DCUN1D4: variants seen among roughly 807,000 people sequenced by gnomAD.
DCUN1D4 encodes defective in cullin neddylation 1 domain containing 4.
DCUN1D4 carries 22 observed loss-of-function variants against 47.9 expected under a neutral mutation model. The observed-to-expected ratio is 0.46, with a 90% confidence interval of 0.33 to 0.66. The LOEUF (loss-of-function observed/expected upper bound fraction) is 0.66. Among genes scored for constraint, DCUN1D4 ranks in the 30% least tolerant of loss-of-function variants. The probability of loss-of-function intolerance (pLI) is 0.02; values close to 1 mark genes in which losing one functional copy is unlikely to be tolerated. For synonymous variants in DCUN1D4, 121 were observed against 112.2 expected, an observed-to-expected ratio of 1.08 and a Z score of -0.50; for missense variants, 301 against 340.8, an observed-to-expected ratio of 0.88 and a Z score of 0.92.
chr4:51,861,313 G>A (rs1255783062), intron 1 of DCUN1D4, among the ~76,000 whole-genome samples: 2 of 152,150 alleles, frequency 1.3e-5, no homozygotes, highest in Non-Finnish European at 2.9e-5. Flanking sequence ...AGGAAGGGCA[G>A]TGGGCAGAAT....
At chr4:51,854,712 C>T (rs994193165) in intron 1 of DCUN1D4, among the ~76,000 whole-genome samples, 1 of 152,202 alleles carries the variant, frequency 6.6e-6, no homozygotes, top group Admixed American at 6.5e-5. Context: ...ATGGAGTAAC[C>T]TCCATGTTGC....
chr4:51,908,083 C>T (rs1489499462), intron 8 of DCUN1D4, among the ~76,000 whole-genome samples: 1 of 152,108 alleles, frequency 6.6e-6, no homozygotes, highest in African/African-American at 2.4e-5. Context: ...TAAAATATAA[C>T]GTAGAATATT....
chr4:51,886,460 G>A (rs1452424086), intron 5 of DCUN1D4, 108 bp from the exon 6 acceptor site: 1 of 878,580 alleles, frequency 1.1e-6, no homozygotes, highest in African/African-American at 1.7e-5. Flanking sequence ...TTTTCCAAAA[G>A]GAGTTAATGG....
At chr4:51,876,544 A>G (rs1378973021) in intron 4 of DCUN1D4, among the ~76,000 whole-genome samples, 4 of 152,146 alleles carry the variant, frequency 2.6e-5, no homozygotes, top group African/African-American at 9.7e-5. Flanking sequence ...CGTTGTGCAC[A>G]TGTACCCTAA....
intron 1 of DCUN1D4, among the ~76,000 whole-genome samples, chr4:51,854,052 T>C (rs1723770088): frequency 6.6e-6 from 1 of 152,212 alleles, no homozygotes; most frequent in South Asian, 2.1e-4. Context: ...GGACATGTAG[T>C]ATGAAACTGA....
At chr4:51,897,240 A>T (rs1286046013) in intron 7 of DCUN1D4, among the ~76,000 whole-genome samples, 1 of 152,246 alleles carries the variant, frequency 6.6e-6, no homozygotes, top group African/African-American at 2.4e-5. Flanking sequence ...TCTGTTTCAT[A>T]GAAATTAAAC....
At chr4:51,869,123 CAAAAAA>C (rs531280197) in intron 3 of DCUN1D4, among the ~76,000 whole-genome samples, 1 of 38,588 alleles carries the variant, frequency 2.6e-5, no homozygotes, top group Non-Finnish European at 5.0e-5. Context: ...GACTCCATCT[CAAAAAA>C]AAAAAAAAAA....
At chr4:51,872,889 C>T (rs976094606) in intron 3 of DCUN1D4, among the ~76,000 whole-genome samples, 4 of 152,224 alleles carry the variant, frequency 2.6e-5, no homozygotes, top group African/African-American at 9.6e-5. Context: ...CGCATGCCTC[C>T]TTCCGTGATG....
intron 3 of DCUN1D4, among the ~76,000 whole-genome samples, chr4:51,872,388 C>T (rs538990385): frequency 6.6e-6 from 1 of 152,350 alleles, no homozygotes; most frequent in Admixed American, 6.5e-5. Context: ...ACTGTGTCCA[C>T]TTCCTCACCT....
At chr4:51,871,608 T>A (rs1252043692) in intron 3 of DCUN1D4, among the ~76,000 whole-genome samples, 1 of 152,214 alleles carries the variant, frequency 6.6e-6, no homozygotes, top group Non-Finnish European at 1.5e-5. Flanking sequence ...TGACTGCTAT[T>A]GGAAGAAAAT....
rs551918432 is a variant in DCUN1D4, at chr4:51,845,630, G to A, written c.25+2363G>A. On this transcript the variant is annotated intron_variant, in intron 1 of 10. Transcript: ENST00000334635. ...GACTCCAGAATCTGTAATGTAGAAG[G>A]CTAAGATTAATGCAGAGATGATAGA... Among the ~76,000 whole-genome samples, 83 of 152,262 alleles carry A rather than the reference G, an allele frequency of 5.5e-4. 1 individual carries two copies. Among genetic ancestry groups the A allele is most frequent in the Non-Finnish European group, 1.0e-3 (70 of 68,026 alleles).
chr4:51,862,767 G>T (rs1257657823), intron 1 of DCUN1D4, among the ~76,000 whole-genome samples: 1 of 151,966 alleles, frequency 6.6e-6, no homozygotes, highest in Non-Finnish European at 1.5e-5. Context: ...CCAACATTTT[G>T]GGAGGCTGAG....
At chr4:51,877,988 A>G in intron 5 of DCUN1D4, 134 bp downstream of exon 5, 3 of 446,024 alleles carry the variant, frequency 6.7e-6, no homozygotes, top group Non-Finnish European at 1.2e-5. Context: ...TTAGAGGGAG[A>G]GAGGGACATA....
At chr4:51,843,293 G>C (rs776159302) in intron 1 of DCUN1D4, 26 bp downstream of exon 1, 1 of 1,515,026 alleles carries the variant, frequency 6.6e-7, no homozygotes, top group South Asian at 1.2e-5. Context: ...CCAGCCAGCG[G>C]GCCGGGGCCG....
chr4:51,839,682 C>G (rs1721583823), upstream of DCUN1D4, among the ~76,000 whole-genome samples: 1 of 152,196 alleles, frequency 6.6e-6, no homozygotes, highest in African/African-American at 2.4e-5. Context: ...TCACTGTAAT[C>G]TAAGGCCAAA....
intron 3 of DCUN1D4, among the ~76,000 whole-genome samples, chr4:51,864,148 A>G (rs536801252): frequency 1.3e-5 from 2 of 152,332 alleles, no homozygotes. Flanking sequence ...GTTATCCTCT[A>G]ACCCTGTGGT....
chr4:51,843,205 G>C lies in DCUN1D4; in HGVS notation c.-38G>C, dbSNP rs1258828876. On this transcript the variant is annotated 5_prime_UTR_variant, in exon 1 of 11. Transcript: ENST00000334635. ...GTGGGGGGACCGCGAGGCGAGCGCG[G>C]GAGCCTGGGCGGCGAGCCGGGTGTG... 13 of 1,539,380 alleles carry C rather than the reference G, an allele frequency of 8.4e-6. No individual in the cohort carries two copies. Among genetic ancestry groups the C allele is most frequent in the Non-Finnish European group, 1.1e-5 (13 of 1,143,002 alleles).
chr4:51,911,801 G>A (rs77155102), intron 9 of DCUN1D4, among the ~76,000 whole-genome samples: 8,918 of 152,142 alleles, frequency 0.059, 344 homozygotes, highest in Non-Finnish European at 0.09. Flanking sequence ...TCATTCTGTG[G>A]GACCTGGAAG....
At chr4:51,910,814 T>C in intron 8 of DCUN1D4, 1 of 489,258 alleles carries the variant, frequency 2.0e-6, no homozygotes. Context: ...ACATAACTAA[T>C]TGATTTTGCA....
Sources: allele counts gnomAD v4.1 joint callset (sites outside exome capture counted in the v4.1 genomes callset), GRCh38; gene constraint gnomAD v4.1.1; transcripts MANE v1.5; gene names NCBI Gene and HGNC (gene_info 2026-07-23, HGNC 2026-07-21).